TMCO6: variants seen among roughly 807,000 people sequenced by gnomAD.
TMCO6 encodes the protein transmembrane and coiled-coil domain-containing protein 6.
A neutral mutation model predicts 61.8 loss-of-function variants in TMCO6; 47 were observed. The observed-to-expected ratio is 0.76, with a 90% confidence interval of 0.60 to 0.97. The LOEUF (loss-of-function observed/expected upper bound fraction) is 0.97, where lower values mean the gene tolerates loss of function less well. Ranked by LOEUF, TMCO6 falls within the 50% of genes least tolerant of loss-of-function variation. The pLI is 0.00. For synonymous variants in TMCO6, 261 were observed against 254.2 expected (o/e 1.03, Z -0.25); for missense variants, 557 against 601.6 (o/e 0.93, Z 0.78).
chr5:140,639,168 T>G, upstream of TMCO6: 2 of 223,814 alleles, frequency 8.9e-6, no homozygotes, highest in Non-Finnish European at 1.8e-5. Context: ...ATCTAGAGCG[T>G]ATTGTGGGTG....
chr5:140,644,478 G>C, intron 10 of TMCO6, 95 bp from the exon 11 acceptor site: 1 of 1,444,304 alleles, frequency 6.9e-7, no homozygotes, highest in East Asian at 2.3e-5. Context: ...GCTTGGCATG[G>C]TGCCTGGGCA....
chr5:140,647,256 C>T (rs745556493), downstream of TMCO6: 10 of 1,544,798 alleles, frequency 6.5e-6, no homozygotes, highest in South Asian at 1.0e-4. Flanking sequence ...CCGCACTCAC[C>T]GTAGCGGGCC....
the TMCO6 span, among the ~76,000 whole-genome samples, chr5:140,600,024 C>A: frequency 6.6e-6 from 1 of 152,106 alleles, no homozygotes; most frequent in African/African-American, 2.4e-5. Context: ...AATATGGTAT[C>A]TCCTGGCATT....
the TMCO6 span, among the ~76,000 whole-genome samples, chr5:140,616,243 G>T: frequency 4.6e-5 from 7 of 152,150 alleles, no homozygotes; most frequent in Non-Finnish European, 7.3e-5. Flanking sequence ...ACAGATAAAG[G>T]GACTACATTA....
rs372797031 is a variant in TMCO6 at position 140,639,632 on chromosome 5, C to A, written c.85+20C>A. On this transcript the variant is annotated intron_variant, in intron 1 of 11. Coordinates refer to ENST00000394671, the MANE Select transcript of TMCO6 (RefSeq NM_018502.5). Reference sequence around the variant, plus strand: ...AGGCAGGTGTGGGCGGCCGAGGGAGCGCGGGGGTATATGGCGGTCGGGGAT... The same window carrying A: ...AGGCAGGTGTGGGCGGCCGAGGGAGAGCGGGGGTATATGGCGGTCGGGGAT... The A allele has an allele frequency of 1.3e-6, 2 of 1,539,340 alleles. No individual in the cohort carries two copies. The highest frequency in any genetic ancestry group is 1.2e-5 in the South Asian group (1 of 82,626).
chr5:140,639,949 C>T (rs749292104), intron 2 of TMCO6, 98 bp downstream of exon 2: 2 of 1,001,234 alleles, frequency 2.0e-6, no homozygotes, highest in Non-Finnish European at 3.0e-6. Context: ...GCAATCCACT[C>T]TACACTTCCA....
Position 140,644,199 on chromosome 5 carries a change from G to GT in TMCO6, c.1200+6dup. On this transcript the variant is annotated splice_donor_region_variant and intron_variant, in intron 10 of 11. Coordinates refer to ENST00000394671, the MANE Select transcript of TMCO6 (RefSeq NM_018502.5). The stretch of plus-strand genomic sequence containing the variant: ...TCTAACGTGGTGAGCGTAATGGTAT[G>GT]TATTGGGGTTACTTGAATCCAAGAT... 6.2e-7 allele frequency: 1 copy of GT among 1,613,704 alleles called. No individual in the cohort carries two copies. Among genetic ancestry groups the GT allele is most frequent in the South Asian group, 1.1e-5 (1 of 91,070 alleles).
chr5:140,645,181 A>G lies in TMCO6; in HGVS notation c.*83A>G, dbSNP rs1757324500. ...GTAGAGCCTTTGGAGATTTAGGACC[A>G]TAATGAGGTCTCATGTTCTCTGCTC... On this transcript the variant is annotated 3_prime_UTR_variant, in exon 12 of 12. Coordinates refer to ENST00000394671, the MANE Select transcript of TMCO6 (RefSeq NM_018502.5). 7.2e-7 allele frequency: 1 copy of G among 1,395,124 alleles called. No homozygotes were observed. Among genetic ancestry groups the G allele is most frequent in the East Asian group, 2.3e-5 (1 of 43,630 alleles). The allele number at this position is 1,395,124 out of a possible 1,614,324, so 86.4% of individuals were successfully genotyped here. A position where few individuals can be genotyped will look rare whatever the true frequency, so the allele number is the denominator to read the frequency against.
the TMCO6 span, among the ~76,000 whole-genome samples, chr5:140,613,884 G>GTTTT: frequency 1.3e-5 from 2 of 149,088 alleles, no homozygotes; most frequent in South Asian, 2.1e-4. Context: ...ATCTCTCATC[G>GTTTT]TTTTTTTTTG....
At chr5:140,647,652 C>G (rs940665723), downstream of TMCO6, 12 of 1,564,184 alleles carry the variant, frequency 7.7e-6, no homozygotes, top group Non-Finnish European at 1.0e-5. Flanking sequence ...CAACCGCGGA[C>G]CCTAAAGCCT....
chr5:140,632,413 G>C, the TMCO6 span: 15 of 1,614,184 alleles, frequency 9.3e-6, no homozygotes, highest in Non-Finnish European at 1.3e-5. The surrounding 1 kb of genome is among the most constrained non-coding windows in gnomAD (Gnocchi z 6.2). Flanking sequence ...GGGAAGGCGC[G>C]AACCTGTTCG....
the TMCO6 span, among the ~76,000 whole-genome samples, chr5:140,601,054 C>T: frequency 2.0e-5 from 3 of 151,944 alleles, no homozygotes; most frequent in Admixed American, 6.5e-5. Flanking sequence ...TTAAAACATC[C>T]GTGTATAGGA....
chr5:140,603,111 T>C, the TMCO6 span, among the ~76,000 whole-genome samples: 29 of 152,206 alleles, frequency 1.9e-4, no homozygotes, highest in African/African-American at 6.3e-4. Flanking sequence ...TTTCAAAACT[T>C]TTCCATCATG....
At chr5:140,615,773 C>A in the TMCO6 span, among the ~76,000 whole-genome samples, 1 of 152,120 alleles carries the variant, frequency 6.6e-6, no homozygotes, top group Non-Finnish European at 1.5e-5. Context: ...TTACTTTATA[C>A]CATATGTAAA....
At chr5:140,601,324 C>T in the TMCO6 span, among the ~76,000 whole-genome samples, 207 of 152,194 alleles carry the variant, frequency 1.4e-3, 2 homozygotes, top group Non-Finnish European at 2.6e-3. Flanking sequence ...TGGTAGTGAA[C>T]CAAAGGAAGC....
At chr5:140,635,945 C>G (rs1756760486), upstream of TMCO6, among the ~76,000 whole-genome samples, 1 of 152,100 alleles carries the variant, frequency 6.6e-6, no homozygotes, top group African/African-American at 2.4e-5. Context: ...TAGCTTTTGG[C>G]TGGGAACTTT....
upstream of TMCO6, among the ~76,000 whole-genome samples, chr5:140,635,171 T>C (rs979765893): frequency 6.6e-6 from 1 of 152,342 alleles, no homozygotes; most frequent in East Asian, 1.9e-4. Context: ...GGCTCATCAC[T>C]GCCCCCTGCG....
chr5:140,608,085 C>T, the TMCO6 span, among the ~76,000 whole-genome samples: 2 of 152,176 alleles, frequency 1.3e-5, no homozygotes, highest in Admixed American at 6.5e-5. Context: ...CCACTGCGCC[C>T]AGCCTCTCAT....
chr5:140,623,711 C>A, the TMCO6 span, among the ~76,000 whole-genome samples: 4 of 152,114 alleles, frequency 2.6e-5, no homozygotes, highest in South Asian at 8.3e-4. Flanking sequence ...CCTTTTTTCT[C>A]TTTTTTAAAA....
Sources: allele counts gnomAD v4.1 joint callset (sites outside exome capture counted in the v4.1 genomes callset), GRCh38; gene constraint gnomAD v4.1.1; non-coding constraint Gnocchi (gnomAD v3.1); transcripts MANE v1.5; gene names NCBI Gene and HGNC (gene_info 2026-07-23, HGNC 2026-07-21).